SDK1: variants seen among roughly 807,000 people sequenced by gnomAD.
The protein encoded by SDK1 is sidekick cell adhesion molecule 1.
Under a neutral mutation model 245.5 loss-of-function variants are expected in SDK1, and 157 were observed. The observed-to-expected ratio is 0.64, with a 90% CI of 0.56 to 0.73. The LOEUF (loss-of-function observed/expected upper bound fraction) is 0.73. SDK1 is among the 30% of genes least tolerant of loss of function. The pLI is 0.00. For synonymous variants in SDK1, 1,647 were observed against 1,278.5 expected (o/e 1.29, Z -6.15); for missense variants, 3,583 against 3,002.3 (o/e 1.19, Z -4.52).
chr7:3,953,285 A>G (rs909167638), intron 7 of SDK1, among the ~76,000 whole-genome samples: 46 of 152,296 alleles, frequency 3.0e-4, no homozygotes, highest in African/African-American at 9.9e-4. Flanking sequence ...AAATGACTCC[A>G]TGTCCTGACC....
chr7:4,087,890 A>G (rs114126073), intron 22 of SDK1, among the ~76,000 whole-genome samples: 363 of 152,318 alleles, frequency 2.4e-3, no homozygotes, highest in African/African-American at 8.4e-3. Flanking sequence ...TAACTCACGT[A>G]TGGCTATTTT....
intron 5 of SDK1, among the ~76,000 whole-genome samples, chr7:3,897,161 T>C (rs1417141643): frequency 6.6e-6 from 1 of 152,214 alleles, no homozygotes; most frequent in Non-Finnish European, 1.5e-5. Flanking sequence ...CAACTTGAGA[T>C]GACATTTGGG....
chr7:3,561,006 T>TGG (rs1298770237), intron 1 of SDK1, among the ~76,000 whole-genome samples: 9 of 152,200 alleles, frequency 5.9e-5, no homozygotes, highest in Non-Finnish European at 2.9e-5. Context: ...TTTTTTTTCT[T>TGG]TTGGCACTTA....
chr7:4,042,683 A>G (rs74983042), intron 17 of SDK1, among the ~76,000 whole-genome samples: 8,061 of 150,010 alleles, frequency 0.054, 1,085 homozygotes, highest in African/African-American at 0.13. Flanking sequence ...CACGCTGCAC[A>G]CTTGAAACCC....
intron 25 of SDK1, among the ~76,000 whole-genome samples, chr7:4,122,232 G>A (rs1442153296): frequency 6.6e-6 from 1 of 152,162 alleles, no homozygotes; most frequent in African/African-American, 2.4e-5. Context: ...AGGTGCAGCA[G>A]TTTTGACTTT....
intron 22 of SDK1, among the ~76,000 whole-genome samples, chr7:4,106,167 G>C (rs1338578989): frequency 6.6e-6 from 1 of 152,198 alleles, no homozygotes; most frequent in African/African-American, 2.4e-5. Context: ...TCGCTGCTCA[G>C]AAGGCAGGTG....
chr7:3,357,976 A>T (rs1392022478), intron 1 of SDK1, among the ~76,000 whole-genome samples: 1 of 152,126 alleles, frequency 6.6e-6, no homozygotes, highest in South Asian at 2.1e-4. Flanking sequence ...ATCATTAATG[A>T]TATTCATAGA....
chr7:3,555,245 GT>G (rs1291753602), intron 1 of SDK1, among the ~76,000 whole-genome samples: 5 of 152,144 alleles, frequency 3.3e-5, no homozygotes, highest in African/African-American at 1.2e-4. Flanking sequence ...AAGTTGACCA[GT>G]GGAACAAAAT....
chr7:4,083,655 C>T (rs2128180403), intron 22 of SDK1, among the ~76,000 whole-genome samples: 1 of 28,584 alleles, frequency 3.5e-5, no homozygotes, highest in African/African-American at 1.7e-4. Context: ...CTTCCTCCAC[C>T]CCTCCCTTCT....
intron 4 of SDK1, among the ~76,000 whole-genome samples, chr7:3,740,975 G>C (rs1321219118): frequency 6.6e-6 from 1 of 152,126 alleles, no homozygotes; most frequent in African/African-American, 2.4e-5. Context: ...CACAGGGAAG[G>C]GTCACTTTGT....
intron 25 of SDK1, among the ~76,000 whole-genome samples, chr7:4,122,104 A>G (rs1212121761): frequency 2.0e-5 from 3 of 151,970 alleles, no homozygotes; most frequent in African/African-American, 7.3e-5. Context: ...GGGGAATCTC[A>G]GGGGCCCAGA....
chr7:3,556,040 A>G (rs1054028443), intron 1 of SDK1, among the ~76,000 whole-genome samples: 4 of 152,224 alleles, frequency 2.6e-5, no homozygotes, highest in Non-Finnish European at 4.4e-5. Context: ...TAGAGCTACC[A>G]TATGATCCAG....
intron 1 of SDK1, among the ~76,000 whole-genome samples, chr7:3,606,513 C>G (rs1440696825): frequency 6.6e-6 from 1 of 152,154 alleles, no homozygotes; most frequent in Admixed American, 6.5e-5. Flanking sequence ...TTTTTACCCT[C>G]ATCTGTCATC....
intron 16 of SDK1, among the ~76,000 whole-genome samples, chr7:4,013,736 C>A (rs931849123): frequency 1.3e-5 from 2 of 152,224 alleles, no homozygotes; most frequent in Non-Finnish European, 2.9e-5. Context: ...GTAAGCCAGA[C>A]CGTGACCCAC....
chr7:3,562,919 A>G (rs1779791917), intron 1 of SDK1, among the ~76,000 whole-genome samples: 1 of 152,256 alleles, frequency 6.6e-6, no homozygotes. Flanking sequence ...TACAAGAGAT[A>G]GGGGAGGTAA....
intron 1 of SDK1, among the ~76,000 whole-genome samples, chr7:3,532,943 A>T (rs953887679): frequency 6.6e-6 from 1 of 152,194 alleles, no homozygotes; most frequent in African/African-American, 2.4e-5. Context: ...GCACTCAGAA[A>T]AAAGTAGCAA....
intron 5 of SDK1, among the ~76,000 whole-genome samples, chr7:3,851,843 T>C (rs540019809): frequency 1.2e-3 from 190 of 152,290 alleles, no homozygotes; most frequent in Non-Finnish European, 2.0e-3. Flanking sequence ...AGATTTAAAG[T>C]GTTATTATTA....
At chr7:3,319,924 T>G (rs1402418626) in intron 1 of SDK1, among the ~76,000 whole-genome samples, 1 of 135,452 alleles carries the variant, frequency 7.4e-6, no homozygotes, top group East Asian at 2.4e-4. Flanking sequence ...ATTTGAGCAT[T>G]GAAAGGGAGG....
intron 4 of SDK1, among the ~76,000 whole-genome samples, chr7:3,671,945 AT>A (rs1783713523): frequency 6.6e-6 from 1 of 152,128 alleles, no homozygotes; most frequent in African/African-American, 2.4e-5. Context: ...AACTTGACTT[AT>A]CCCTTTACAA....
Sources: allele counts gnomAD v4.1 joint callset (sites outside exome capture counted in the v4.1 genomes callset), GRCh38; gene constraint gnomAD v4.1.1; transcripts MANE v1.5; gene names NCBI Gene and HGNC (gene_info 2026-07-23, HGNC 2026-07-21).